The following PDXDC1 variants were observed in gnomAD, a reference collection of about 807,000 sequenced individuals.
PDXDC1 encodes pyridoxal-dependent decarboxylase domain-containing protein 1.
PDXDC1 carries 42 observed loss-of-function variants against 100.1 expected under a neutral mutation model. The observed-to-expected ratio is 0.42, with a 90% confidence interval of 0.33 to 0.54. The LOEUF is 0.54. Among genes scored for constraint, PDXDC1 ranks in the 20% least tolerant of loss-of-function variants. The pLI, the probability that PDXDC1 is intolerant of heterozygous loss-of-function variation, is 0.10. For missense variants in PDXDC1, 636 were observed against 979.2 expected (o/e 0.65, Z 4.68); for synonymous variants, 260 against 371.7 (o/e 0.70, Z 3.46).
chr16:15,070,369 TTAAA>T, intron 16 of PDXDC1: 1 of 698,468 alleles, frequency 1.4e-6, no homozygotes, highest in Non-Finnish European at 2.4e-6. Context: ...ATAGGTTTCT[TTAAA>T]TAATACCCAT....
chr16:15,040,099 C>T, downstream of PDXDC1: 1 of 1,225,458 alleles, frequency 8.2e-7, no homozygotes. Context: ...TCTGAATTGA[C>T]AAAAGACCAA....
intron 16 of PDXDC1, among the ~76,000 whole-genome samples, chr16:15,097,981 GC>G (rs1726136650): frequency 1.0e-5 from 1 of 97,738 alleles, no homozygotes; most frequent in Admixed American, 1.7e-4. Context: ...TCCCTCTGTT[GC>G]CCAGGCTGGA....
chr16:15,062,598 C>T (rs1462084083), intron 16 of PDXDC1, among the ~76,000 whole-genome samples: 2 of 152,188 alleles, frequency 1.3e-5, no homozygotes, highest in Middle Eastern at 3.2e-3. Flanking sequence ...GTCTTCACCA[C>T]CCATTCATGA....
the PDXDC1 span, among the ~76,000 whole-genome samples, chr16:15,146,725 C>A: frequency 6.6e-6 from 1 of 152,164 alleles, no homozygotes; most frequent in Non-Finnish European, 1.5e-5. Flanking sequence ...CTGTTACACT[C>A]TGCTCTGTGG....
At chr16:15,147,964 C>T in the PDXDC1 span, among the ~76,000 whole-genome samples, 2 of 151,490 alleles carry the variant, frequency 1.3e-5, no homozygotes, top group Non-Finnish European at 2.9e-5. Context: ...AGATTACAGG[C>T]GTGAACCACC....
At chr16:15,103,565 G>T (rs1240273952) in intron 16 of PDXDC1, among the ~76,000 whole-genome samples, 4 of 151,424 alleles carry the variant, frequency 2.6e-5, no homozygotes, top group Non-Finnish European at 4.4e-5. Flanking sequence ...GTGTGCTGAT[G>T]TGATCTCGGC....
At chr16:15,040,133 C>G (rs1056118251), downstream of PDXDC1, 18 of 830,730 alleles carry the variant, frequency 2.2e-5, no homozygotes, top group Admixed American at 3.4e-4. Flanking sequence ...CACAGTCTTA[C>G]ATTTCTACCA....
chr16:15,129,042 T>C (rs1404763382), intron 16 of PDXDC1, among the ~76,000 whole-genome samples: 1 of 151,566 alleles, frequency 6.6e-6, no homozygotes, highest in Non-Finnish European at 1.5e-5. Context: ...CCTGACCCCG[T>C]GATTTGCCTG....
intron 16 of PDXDC1, among the ~76,000 whole-genome samples, chr16:15,095,057 C>G (rs573120875): frequency 1.3e-5 from 2 of 152,026 alleles, no homozygotes; most frequent in African/African-American, 4.8e-5. Context: ...AGGCTGGTCT[C>G]GAACTCATGA....
rs1031092211 is a variant in PDXDC1 at position 15,117,344 on chromosome 16, A to T, written c.1400-21535A>T. Among the ~76,000 whole-genome samples, 3 of 127,940 alleles carry T rather than the reference A, an allele frequency of 2.3e-5. No individual in the cohort carries two copies. In the Admixed American group the frequency reaches 2.6e-4, roughly 11 times the overall value. 83.9% of individuals were successfully genotyped at this position (127,940 alleles called of 152,430 possible). ...TTTATGCTGGTGTATGTACTTTCCA[A>T]AGTTAGTAAACTTACACTTAAGGTT... On this transcript the variant is annotated intron_variant, in intron 16 of 16. Coordinates refer to the PDXDC1 transcript ENST00000535621.
At chr16:15,109,735 C>T (rs1179995193) in intron 16 of PDXDC1, among the ~76,000 whole-genome samples, 2 of 126,846 alleles carry the variant, frequency 1.6e-5, no homozygotes, top group South Asian at 2.7e-4. Flanking sequence ...ACCTGTAATC[C>T]AAGCTACTCG....
chr16:15,011,025 GAT>G (rs2041218352), intron 8 of PDXDC1, among the ~76,000 whole-genome samples: 1 of 152,294 alleles, frequency 6.6e-6, no homozygotes, highest in Non-Finnish European at 1.5e-5. Context: ...GATTCAACTT[GAT>G]CCATCTTAAA....
chr16:15,101,051 TTA>T (rs749728180), intron 16 of PDXDC1, among the ~76,000 whole-genome samples: 5 of 152,210 alleles, frequency 3.3e-5, no homozygotes, highest in Non-Finnish European at 7.3e-5. Context: ...GGCAATTGCC[TTA>T]TGTTTCCAGA....
In PDXDC1 at chr16:15,031,839, G is replaced by A; in HGVS notation, c.1504G>A (p.Glu502Lys). 2 of 1,613,998 alleles carry A rather than the reference G, an allele frequency of 1.2e-6. No individual in the cohort carries two copies. The highest frequency in any genetic ancestry group is 8.5e-7 in the Non-Finnish European group (1 of 1,179,914). Reference protein sequence around the residue: ...TLQLREEFKQEVEATAGLLYV... With the variant: ...TLQLREEFKQKVEATAGLLYV... ...CCAGTTGCGTGAAGAGTTCAAGCAGGAAGTGGAAGCAACAGCAGGTCTCCT... is the reference window on the plus strand; with the variant it reads ...CCAGTTGCGTGAAGAGTTCAAGCAGAAAGTGGAAGCAACAGCAGGTCTCCT... Residue 502 changes from glutamate to lysine, a missense_variant, in exon 17 of 23, where the codon GAA (glutamate) becomes AAA (lysine). Glu to Lys is a moderately conservative substitution (Grantham distance 56). This residue lies in a region of PDXDC1 where 452 missense variants were observed against 402.9 expected (regional missense o/e 1.12). Coordinates refer to ENST00000396410, the MANE Select transcript of PDXDC1 (RefSeq NM_015027.4).
intron 16 of PDXDC1, among the ~76,000 whole-genome samples, chr16:15,077,827 G>A (rs1017394638): frequency 2.6e-5 from 4 of 152,272 alleles, no homozygotes; most frequent in East Asian, 1.9e-4. Flanking sequence ...GGCAAGAAGC[G>A]AGACACCATC....
chr16:15,127,719 C>T (rs1221079887), intron 16 of PDXDC1: 1 of 1,508,124 alleles, frequency 6.6e-7, no homozygotes, highest in African/African-American at 1.4e-5. Flanking sequence ...CCCCGTACCA[C>T]ACGGCGTTGG....
At chr16:14,989,311 T>G in intron 1 of PDXDC1, 1 of 1,613,362 alleles carries the variant, frequency 6.2e-7, no homozygotes, top group Non-Finnish European at 8.5e-7. Flanking sequence ...CACAGCACCG[T>G]CTCATCCAGC....
In PDXDC1 at chr16:15,108,332, G is replaced by C. The variant is rs546367380; in HGVS notation, c.1400-30547G>C. ...TCCCAGAACGCTAGGAAACAGGGAC[G>C]AAAACACTTCAAAGAGAAAGTTAAT... On this transcript the variant is annotated intron_variant, in intron 16 of 16. Coordinates refer to the PDXDC1 transcript ENST00000535621. 3.3e-5 allele frequency: 25 copies of C among 750,094 alleles called. 2 individuals are homozygous for C. Among genetic ancestry groups the C allele is most frequent in the Non-Finnish European group, 3.7e-5 (23 of 614,592 alleles). The allele number at this position is 750,094 out of a possible 1,614,324, so 46.5% of individuals were successfully genotyped here.
At chr16:15,047,378 G>C in intron 16 of PDXDC1, 1 of 1,071,570 alleles carries the variant, frequency 9.3e-7, no homozygotes, top group Non-Finnish European at 1.5e-6. Flanking sequence ...AGCTTCCACA[G>C]CCACGTCCTG....
Sources: allele counts gnomAD v4.1 joint callset (sites outside exome capture counted in the v4.1 genomes callset), GRCh38; gene constraint gnomAD v4.1.1; regional missense constraint gnomAD v4.1.1; transcripts MANE v1.5; gene names NCBI Gene and HGNC (gene_info 2026-07-23, HGNC 2026-07-21).